SIMC1: variants seen among roughly 807,000 people sequenced by gnomAD.
The protein encoded by SIMC1 is SUMO interacting motifs containing 1.
A neutral mutation model predicts 82.3 loss-of-function variants in SIMC1; 55 were observed. The observed-to-expected ratio is 0.67, with a 90% CI of 0.54 to 0.84. SIMC1 has a LOEUF of 0.84. SIMC1 is among the 40% of genes least tolerant of loss of function. The pLI is 0.00. For synonymous variants in SIMC1, 353 were observed against 426.3 expected (o/e 0.83, Z 2.12); for missense variants, 915 against 1,107.2 (o/e 0.83, Z 2.46).
chr5:176,313,988 C>A, intron 5 of SIMC1, 143 bp downstream of exon 5: 1 of 1,061,488 alleles, frequency 9.4e-7, no homozygotes, highest in Non-Finnish European at 1.3e-6. Flanking sequence ...ATAGATAGAC[C>A]AGGTGCAGTG....
Position 176,238,512 on chromosome 5 carries a change from G to A in SIMC1, c.4G>A (p.Glu2Lys). 3.0e-6 allele frequency: 4 copies of A among 1,317,520 alleles called. No individual in the cohort carries two copies. Among genetic ancestry groups the A allele is most frequent in the Non-Finnish European group, 3.9e-6 (4 of 1,020,860 alleles). The allele number at this position is 1,317,520 out of a possible 1,614,324, so 81.6% of individuals were successfully genotyped here. A position where few individuals can be genotyped will look rare whatever the true frequency, so the allele number is the denominator to read the frequency against. The change falls in exon 1 of 10, where the codon GAG (glutamate) becomes AAG (lysine). Residue 2 changes from glutamate (E) to lysine (K), a missense_variant. This residue lies in a region of SIMC1 where 13 missense variants were observed against 66.9 expected (regional missense o/e 0.19). Coordinates refer to ENST00000429602, the MANE Select transcript of SIMC1 (RefSeq NM_001308195.2). M[E>K]DFIVISDDSG... Reference sequence around the variant, plus strand: ...TCTTCGGTCGGGGCCCGCAGCCATGGAGGATTTCATCGTGATCTCGGACGA... The same window carrying A: ...TCTTCGGTCGGGGCCCGCAGCCATGAAGGATTTCATCGTGATCTCGGACGA...
chr5:176,262,125 A>C (rs903528057), intron 1 of SIMC1, among the ~76,000 whole-genome samples: 25 of 151,800 alleles, frequency 1.6e-4, no homozygotes, highest in Non-Finnish European at 3.2e-4. Context: ...CATCGTGACC[A>C]AGTAGGATTT....
chr5:176,266,493 C>G (rs1319175392), intron 1 of SIMC1, among the ~76,000 whole-genome samples: 3 of 151,374 alleles, frequency 2.0e-5, no homozygotes, highest in African/African-American at 7.3e-5. Context: ...GATATCAGTA[C>G]CTATATTGTG....
chr5:176,324,008 A>C (rs1310067449), intron 6 of SIMC1, among the ~76,000 whole-genome samples: 1 of 151,650 alleles, frequency 6.6e-6, no homozygotes, highest in Admixed American at 6.6e-5. Context: ...AAAAAAAAAA[A>C]AAAAAACACG....
chr5:176,302,180 G>T (rs1278702335), intron 4 of SIMC1, among the ~76,000 whole-genome samples: 1 of 151,940 alleles, frequency 6.6e-6, no homozygotes, highest in Non-Finnish European at 1.5e-5. Context: ...AATCTCAGTT[G>T]GTTGAATCCA....
chr5:176,344,639 T>C (rs1766341214), intron 9 of SIMC1, among the ~76,000 whole-genome samples: 1 of 152,068 alleles, frequency 6.6e-6, no homozygotes, highest in African/African-American at 2.4e-5. Flanking sequence ...AGCAGACACG[T>C]TTTACGTGGC....
At chr5:176,343,346 T>C (rs577043436) in intron 9 of SIMC1, among the ~76,000 whole-genome samples, 1 of 152,356 alleles carries the variant, frequency 6.6e-6, no homozygotes, top group African/African-American at 2.4e-5. Context: ...GGTGTACTTA[T>C]GTGCAACTGG....
chr5:176,253,568 G>C (rs1328223620), intron 1 of SIMC1, among the ~76,000 whole-genome samples: 1 of 152,056 alleles, frequency 6.6e-6, no homozygotes, highest in Non-Finnish European at 1.5e-5. Flanking sequence ...TGGATTGTTG[G>C]TCTCATTCCA....
At chr5:176,263,613 G>A (rs1457863711) in intron 1 of SIMC1, 5 of 1,301,612 alleles carry the variant, frequency 3.8e-6, no homozygotes, top group Non-Finnish European at 5.0e-6. Flanking sequence ...TGACATTTAT[G>A]AGGGATCTGT....
At chr5:176,309,295 A>G in intron 4 of SIMC1, among the ~76,000 whole-genome samples, 1 of 152,252 alleles carries the variant, frequency 6.6e-6, no homozygotes, top group East Asian at 1.9e-4. Context: ...CTGACAAATT[A>G]TGCTGGAGCA....
intron 1 of SIMC1, among the ~76,000 whole-genome samples, chr5:176,252,790 G>T (rs1761722267): frequency 6.6e-6 from 1 of 152,248 alleles, no homozygotes. Context: ...AAGGCAGGCG[G>T]CTGGGAGGTG....
chr5:176,313,579 A>G, intron 4 of SIMC1, 112 bp from the exon 5 acceptor site: 2 of 1,557,194 alleles, frequency 1.3e-6, no homozygotes, highest in Non-Finnish European at 1.8e-6. Flanking sequence ...AAGCACAGGC[A>G]TACTTGTTGA....
rs749427544 is a variant in SIMC1 at position 176,345,159 on chromosome 5, A to C, written c.2414-24A>C. 3.1e-6 allele frequency: 5 copies of C among 1,604,776 alleles called. No homozygotes were observed. The African/African-American group carries it at 6.7e-5, about 22-fold the overall frequency. On this transcript the variant is annotated intron_variant, in intron 9 of 9. Coordinates refer to ENST00000429602, the MANE Select transcript of SIMC1 (RefSeq NM_001308195.2). ...AATTAAAAAGCAGTTCAGAGCACCCAACTGACTTTTTTCCCTCTTGCAGAA... is the reference window on the plus strand; with the variant it reads ...AATTAAAAAGCAGTTCAGAGCACCCCACTGACTTTTTTCCCTCTTGCAGAA...
chr5:176,284,096 G>T (rs1763147806), intron 1 of SIMC1, among the ~76,000 whole-genome samples: 1 of 152,090 alleles, frequency 6.6e-6, no homozygotes, highest in African/African-American at 2.4e-5. Context: ...ACACCCCACT[G>T]TCACCATTAG....
intron 9 of SIMC1, among the ~76,000 whole-genome samples, chr5:176,340,320 C>G (rs1221172604): frequency 6.6e-6 from 1 of 152,192 alleles, no homozygotes; most frequent in Non-Finnish European, 1.5e-5. Context: ...CCCCCCCACC[C>G]CAGTTGCATA....
intron 1 of SIMC1, among the ~76,000 whole-genome samples, chr5:176,255,730 AAAAAG>A (rs1421038144): frequency 2.0e-5 from 3 of 150,268 alleles, no homozygotes; most frequent in Non-Finnish European, 3.0e-5. Context: ...CTAAAAAAAA[AAAAAG>A]AAAAGAAAAG....
Position 176,338,233 on chromosome 5 carries a change from CAAAG to C in SIMC1, c.2413+1089_2413+1092del, listed in dbSNP as rs1250570025. 3.3e-5 allele frequency among the ~76,000 whole-genome samples: 5 copies of C among 152,184 alleles called. No homozygotes were observed. In the East Asian group the frequency reaches 9.6e-4, roughly 29 times the overall value. On this transcript the variant is annotated intron_variant, in intron 9 of 9. Coordinates refer to ENST00000429602, the MANE Select transcript of SIMC1 (RefSeq NM_001308195.2). ...TTTTAAAGTGCCAGTGTTTTAAAAA[CAAAG>C]ACAGACTGAGATACTCTTCCACATT...
chr5:176,337,088 G>A lies in SIMC1; in HGVS notation c.2355G>A (p.Trp785Ter). ...CAGATAAAAGCCAGTGGCAGACTTG[G>A]GACGAATTGGTTGAGCATCTGCAGT... Reference protein sequence around the residue: ...CQSDKSQWQTWDELVEHLQFL... With the variant: ...CQSDKSQWQT The change falls in exon 9 of 10, where the codon TGG becomes TGA. Residue 785 changes from tryptophan to a stop codon, truncating the protein, a stop_gained. Transcript: ENST00000429602. LOFTEE classifies it high-confidence loss of function. The A allele has an allele frequency of 6.2e-7, 1 of 1,613,944 alleles. No individual in the cohort carries two copies. The highest frequency in any genetic ancestry group is 1.1e-5 in the South Asian group (1 of 91,078).
chr5:176,336,844 C>A lies in SIMC1; in HGVS notation c.2296C>A (p.Leu766Met). 1 of 1,614,004 alleles carries A rather than the reference C, an allele frequency of 6.2e-7. No individual in the cohort carries two copies. Among genetic ancestry groups the A allele is most frequent in the African/African-American group, 1.3e-5 (1 of 75,048 alleles). Residue 766 changes from leucine (L) to methionine (M), a missense_variant, in exon 8 of 10, where the codon CTG becomes ATG. Physicochemically the swap from Leu to Met is conservative, Grantham distance 15. This residue lies in a region of SIMC1 where 902 missense variants were observed against 1,040.3 expected (regional missense o/e 0.87). Coordinates refer to ENST00000429602, the MANE Select transcript of SIMC1 (RefSeq NM_001308195.2). ...GTCTCTGGCCCAGGCCCTCTACTTT[C>A]TGAATAATTCTACGTCACTGCTCAA... ...PLSLAQALYF[L>M]NNSTSLLKCQ...
Sources: allele counts gnomAD v4.1 joint callset (sites outside exome capture counted in the v4.1 genomes callset), GRCh38; gene constraint gnomAD v4.1.1; regional missense constraint gnomAD v4.1.1; transcripts MANE v1.5; gene names NCBI Gene and HGNC (gene_info 2026-07-23, HGNC 2026-07-21).